The following HOXC4 variants were observed in gnomAD, a reference collection of about 807,000 sequenced individuals.
The protein encoded by HOXC4 is homeobox C4, also known as homeobox protein Hox-C4.
A neutral mutation model predicts 25.5 loss-of-function variants in HOXC4; 15 were observed. That is an observed-to-expected ratio of 0.59 (90% CI 0.39 to 0.91). The LOEUF (loss-of-function observed/expected upper bound fraction) is 0.91. HOXC4 is among the 40% of genes least tolerant of loss of function. The pLI is 0.00. For synonymous variants in HOXC4, 165 were observed against 148.0 expected, an observed-to-expected ratio of 1.11 and a Z score of -0.83; for missense variants, 342 against 352.4, an observed-to-expected ratio of 0.97 and a Z score of 0.24.
chr12:54,033,380 G>C (rs1050326258), intron 1 of HOXC4: 2 of 1,612,904 alleles, frequency 1.2e-6, no homozygotes, highest in Non-Finnish European at 1.7e-6. Context: ...GACACGCTCC[G>C]GGCAGAGACG....
chr12:54,047,454 C>G (rs1447830187), intron 1 of HOXC4, among the ~76,000 whole-genome samples: 1 of 152,210 alleles, frequency 6.6e-6, no homozygotes, highest in Admixed American at 6.5e-5. Flanking sequence ...CCGCGAGGTG[C>G]GCGCCGGCCG....
intron 1 of HOXC4, among the ~76,000 whole-genome samples, chr12:54,045,318 T>C (rs1208890237): frequency 6.6e-6 from 1 of 152,252 alleles, no homozygotes; most frequent in African/African-American, 2.4e-5. Context: ...ATAGTGAACA[T>C]AACAGTCCTC....
chr12:54,019,369 C>T (rs772748916), intron 1 of HOXC4, among the ~76,000 whole-genome samples: 107 of 152,310 alleles, frequency 7.0e-4, no homozygotes, highest in South Asian at 1.0e-3. Context: ...GCGGATCCAG[C>T]CTGCGGCAGG....
upstream of HOXC4, among the ~76,000 whole-genome samples, chr12:54,049,672 A>G (rs1269709500): frequency 6.6e-6 from 1 of 151,954 alleles, no homozygotes; most frequent in Non-Finnish European, 1.5e-5. Context: ...AGATTTAAGA[A>G]AAAATCAATT....
At chr12:54,018,744 C>A (rs1172729497) in intron 1 of HOXC4, among the ~76,000 whole-genome samples, 1 of 152,220 alleles carries the variant, frequency 6.6e-6, no homozygotes, top group Non-Finnish European at 1.5e-5. Context: ...CACACCCAGG[C>A]AGACACACCC....
intron 1 of HOXC4, among the ~76,000 whole-genome samples, chr12:54,043,964 GT>G (rs1937638782): frequency 8.7e-6 from 1 of 114,842 alleles, no homozygotes; most frequent in South Asian, 2.6e-4. Context: ...GTGTGTGTGT[GT>G]GTTTAGGGAG....
rs532894549 is a variant in HOXC4 at position 54,041,720 on chromosome 12, C to T, written c.-123-11440C>T. ...AGACTAAGTTTCACTCTTGTCGCCC[C>T]GGCTGGAGTGCAATGGCACAATCTC... On this transcript the variant is annotated intron_variant, in intron 1 of 3. Transcript: ENST00000303406. Among the ~76,000 whole-genome samples the T allele has an allele frequency of 1.1e-4, 16 of 152,298 alleles. No homozygotes were observed. In the East Asian group the frequency reaches 2.9e-3, roughly 28 times the overall value.
At chr12:54,034,880 C>A (rs1941142402) in intron 1 of HOXC4, 1 of 268,322 alleles carries the variant, frequency 3.7e-6, no homozygotes, top group Non-Finnish European at 7.3e-6. Context: ...ACAGGACCCT[C>A]GCCGGACCCT....
upstream of HOXC4, among the ~76,000 whole-genome samples, chr12:54,052,261 C>T (rs1372528444): frequency 6.6e-6 from 1 of 152,148 alleles, no homozygotes; most frequent in Non-Finnish European, 1.5e-5. Flanking sequence ...GGCGATTCCG[C>T]GAGACTGATT....
chr12:54,024,194 CA>C (rs1288102963), intron 1 of HOXC4, among the ~76,000 whole-genome samples: 1 of 151,966 alleles, frequency 6.6e-6, no homozygotes, highest in Non-Finnish European at 1.5e-5. Context: ...CAAAAGGGGC[CA>C]GCGGGGCAAC....
At chr12:54,045,520 C>G (rs1258461993) in intron 1 of HOXC4, among the ~76,000 whole-genome samples, 2 of 152,202 alleles carry the variant, frequency 1.3e-5, no homozygotes, top group Non-Finnish European at 1.5e-5. Context: ...GATCCTAACC[C>G]ATAAAATAGC....
upstream of HOXC4, among the ~76,000 whole-genome samples, chr12:54,049,722 C>T: frequency 6.8e-6 from 1 of 147,128 alleles, no homozygotes; most frequent in Admixed American, 6.9e-5. Context: ...GCCCTGGCTG[C>T]CGGCATTAGA....
upstream of HOXC4, among the ~76,000 whole-genome samples, chr12:54,049,433 C>T (rs996647728): frequency 6.6e-6 from 1 of 151,890 alleles, no homozygotes; most frequent in South Asian, 2.1e-4. Context: ...CCAAGGAAGG[C>T]AAGGCAAGGC....
intron 1 of HOXC4, among the ~76,000 whole-genome samples, chr12:54,044,240 C>T (rs116396543): frequency 0.014 from 2,164 of 152,206 alleles, 66 homozygotes; most frequent in African/African-American, 0.049. Context: ...CCCTCCTTTC[C>T]TCCCTTCCCC....
intron 1 of HOXC4, among the ~76,000 whole-genome samples, chr12:54,031,248 C>CG (rs1011538897): frequency 8.5e-5 from 13 of 152,294 alleles, no homozygotes; most frequent in South Asian, 6.2e-4. Flanking sequence ...GAGTTGGAGG[C>CG]GGGGGGCGCC....
At chr12:54,033,716 G>C in intron 1 of HOXC4, 1 of 730,470 alleles carries the variant, frequency 1.4e-6, no homozygotes, top group Non-Finnish European at 2.2e-6. Flanking sequence ...CCACTAAAAG[G>C]CTTAGAGGCT....
intron 1 of HOXC4, chr12:54,020,394 G>C (rs1199445796): frequency 2.0e-5 from 3 of 152,342 alleles, no homozygotes; most frequent in South Asian, 2.1e-4. Flanking sequence ...TTCATGTGCT[G>C]GTTCCTAGCT....
intron 1 of HOXC4, among the ~76,000 whole-genome samples, chr12:54,041,944 T>C (rs893190219): frequency 6.6e-6 from 1 of 151,448 alleles, no homozygotes; most frequent in Admixed American, 6.6e-5. Context: ...ATTACAGGTG[T>C]GAACCACCGC....
Position 54,033,810 on chromosome 12 carries a change from G to C in HOXC4, c.-124+16396G>C, listed in dbSNP as rs374431908. ...GGCAATATTCAATTTTTGGGGGAGA[G>C]GGAGGGAGTTAAAAAAATAGAGGGA... On this transcript the variant is annotated intron_variant, in intron 1 of 3. Coordinates refer to the HOXC4 transcript ENST00000303406. 7.0e-6 allele frequency: 4 copies of C among 572,820 alleles called. 1 individual carries two copies. The South Asian group carries it at 8.6e-5, about 12-fold the overall frequency. The allele number at this position is 572,820 out of a possible 1,614,324, so 35.5% of individuals were successfully genotyped here. A position where few individuals can be genotyped will look rare whatever the true frequency, so the allele number is the denominator to read the frequency against.
Sources: allele counts gnomAD v4.1 joint callset (sites outside exome capture counted in the v4.1 genomes callset), GRCh38; gene constraint gnomAD v4.1.1; transcripts MANE v1.5; gene names NCBI Gene and HGNC (gene_info 2026-07-23, HGNC 2026-07-21).